The following ASXL2 variants were observed in gnomAD, a reference collection of about 807,000 sequenced individuals.
ASXL2 encodes putative Polycomb group protein ASXL2.
In ASXL2, 23 loss-of-function variants were observed where a neutral mutation model predicts 122.0. The observed-to-expected ratio is 0.19, with a 90% CI of 0.14 to 0.27. The LOEUF is 0.27. Among genes scored for constraint, ASXL2 ranks in the 10% least tolerant of loss-of-function variants. ASXL2 has a pLI of 1.00. For missense variants in ASXL2, 1,518 were observed against 1,713.8 expected (o/e 0.89, Z 2.02); for synonymous variants, 650 against 637.0 (o/e 1.02, Z -0.31).
chr2:25,781,985 T>TTTTG (rs2088649031), intron 5 of ASXL2, among the ~76,000 whole-genome samples: 1 of 127,706 alleles, frequency 7.8e-6, no homozygotes, highest in Non-Finnish European at 1.7e-5. Context: ...TTTTTTTTTT[T>TTTTG]GTAGAGACAG....
intron 3 of ASXL2, among the ~76,000 whole-genome samples, chr2:25,809,576 A>T (rs541922231): frequency 1.3e-5 from 2 of 152,348 alleles, no homozygotes; most frequent in Non-Finnish European, 2.9e-5. Context: ...GTGAAAAAGG[A>T]ATAGATTGCT....
intron 5 of ASXL2, among the ~76,000 whole-genome samples, chr2:25,797,271 C>A (rs990854763): frequency 5.2e-4 from 79 of 152,098 alleles, no homozygotes; most frequent in African/African-American, 1.9e-3. Flanking sequence ...ATGGTGAAAC[C>A]CCACCTCTAC....
chr2:25,844,219 G>C (rs555835189), intron 2 of ASXL2, among the ~76,000 whole-genome samples: 4 of 152,222 alleles, frequency 2.6e-5, no homozygotes, highest in Admixed American at 6.5e-5. Flanking sequence ...CCAAATTTCT[G>C]TCTTAATATA....
intron 5 of ASXL2, among the ~76,000 whole-genome samples, chr2:25,784,831 C>T (rs1474496225): frequency 6.6e-6 from 1 of 152,228 alleles, no homozygotes; most frequent in Non-Finnish European, 1.5e-5. Flanking sequence ...TCTACAACAG[C>T]TCTGTTTCCC....
At chr2:25,837,583 G>A in intron 2 of ASXL2, among the ~76,000 whole-genome samples, 1 of 152,112 alleles carries the variant, frequency 6.6e-6, no homozygotes. Context: ...CAGGTACTGT[G>A]GCTCACATCT....
intron 12 of ASXL2, among the ~76,000 whole-genome samples, chr2:25,748,121 T>G (rs191101506): frequency 6.6e-6 from 1 of 152,070 alleles, no homozygotes; most frequent in African/African-American, 2.4e-5. Flanking sequence ...GAGGCTGCAG[T>G]GAGCCAAGAT....
chr2:25,806,296 G>A lies in ASXL2; in HGVS notation c.185C>T (p.Thr62Ile). 1 of 1,613,404 alleles carries A rather than the reference G, an allele frequency of 6.2e-7. No individual in the cohort carries two copies. The highest frequency in any genetic ancestry group is 8.5e-7 in the Non-Finnish European group (1 of 1,179,628). The stretch of plus-strand genomic sequence containing the variant: ...GATGCCCTCTTCACCTCTGGAGTTT[G>A]TGTGAAGCATTGCATTCAGGCATGC... ...PLACLNAMLH[T>I]NSRGEEGIFY... Residue 62 changes from threonine to isoleucine, a missense_variant, in exon 4 of 13, where the codon ACA becomes ATA. Thr to Ile is a moderately conservative substitution (Grantham distance 89). Transcript: ENST00000435504.
intron 1 of ASXL2, among the ~76,000 whole-genome samples, chr2:25,847,581 T>A (rs2089663262): frequency 6.6e-6 from 1 of 152,252 alleles, no homozygotes; most frequent in Admixed American, 6.5e-5. Flanking sequence ...TTAAACTTAC[T>A]GCCTTCATCC....
At chr2:25,873,789 T>C (rs1186970393) in intron 1 of ASXL2, among the ~76,000 whole-genome samples, 3 of 151,980 alleles carry the variant, frequency 2.0e-5, no homozygotes, top group Admixed American at 1.3e-4. Context: ...AAACACCCAA[T>C]GTCCCTTAAG....
chr2:25,768,011 A>C (rs1390848393), intron 7 of ASXL2, among the ~76,000 whole-genome samples: 2 of 152,230 alleles, frequency 1.3e-5, no homozygotes, highest in African/African-American at 4.8e-5. Flanking sequence ...ATGGTATCAA[A>C]CTGAATTATG....
intron 1 of ASXL2, among the ~76,000 whole-genome samples, chr2:25,876,091 C>G (rs1437373397): frequency 1.3e-5 from 2 of 151,986 alleles, no homozygotes; most frequent in Non-Finnish European, 1.5e-5. Context: ...ACTAGAAAAA[C>G]TTTAGTGTCA....
At chr2:25,830,188 G>A (rs1048633565) in intron 3 of ASXL2, among the ~76,000 whole-genome samples, 6 of 152,218 alleles carry the variant, frequency 3.9e-5, no homozygotes, top group African/African-American at 1.4e-4. Context: ...GTAAACCTAA[G>A]TAAGCACAGT....
intron 7 of ASXL2, 130 bp from the exon 8 acceptor site, chr2:25,767,856 G>C (rs953597009): frequency 2.7e-5 from 28 of 1,047,460 alleles, no homozygotes; most frequent in Non-Finnish European, 3.5e-5. Context: ...TGTGTTTTGA[G>C]TTTGAAAATT....
intron 12 of ASXL2, among the ~76,000 whole-genome samples, chr2:25,746,752 A>C (rs1402621487): frequency 6.6e-6 from 1 of 152,224 alleles, no homozygotes; most frequent in African/African-American, 2.4e-5. Context: ...TACTTACGTA[A>C]ATAGCCCTAT....
Position 25,757,674 on chromosome 2 carries a change from C to CAAAAAAAAA in ASXL2, c.940-1569_940-1561dup, listed in dbSNP as rs60732948. Among the ~76,000 whole-genome samples, 125 of 35,842 alleles carry CAAAAAAAAA rather than the reference C, an allele frequency of 3.5e-3. 5 individuals are homozygous for CAAAAAAAAA. Among genetic ancestry groups the CAAAAAAAAA allele is most frequent in the Non-Finnish European group, 4.4e-3 (97 of 21,902 alleles). 23.5% of individuals were successfully genotyped at this position (35,842 alleles called of 152,430 possible). On this transcript the variant is annotated intron_variant, in intron 9 of 12. Transcript: ENST00000435504. ...CAGGCGACAGAGGGAGACTCCATCT[C>CAAAAAAAAA]AAAAAAAAAAAAAAAAAAAAAAAAA...
chr2:25,763,264 G>A, intron 8 of ASXL2, among the ~76,000 whole-genome samples: 1 of 152,084 alleles, frequency 6.6e-6, no homozygotes, highest in East Asian at 1.9e-4. Flanking sequence ...GCTGAGGCGG[G>A]CGGTATCACG....
Position 25,743,927 on chromosome 2 carries a change from C to G in ASXL2, c.2410G>C (p.Glu804Gln), listed in dbSNP as rs760941065. 8 of 1,613,970 alleles carry G rather than the reference C, an allele frequency of 5.0e-6. No individual in the cohort carries two copies. The South Asian group carries it at 8.8e-5, about 18-fold the overall frequency. The change falls in exon 13 of 13, where the codon GAA becomes CAA. Residue 804 changes from glutamate (E) to glutamine (Q), a missense_variant. Glu to Gln is a conservative substitution (Grantham distance 29). Coordinates refer to ENST00000435504, the MANE Select transcript of ASXL2 (RefSeq NM_018263.6). ...SPAHIEKLDN[E>Q]KLNPTRATAT... ...GTTGCTCTGGTGGGGTTCAGTTTTT[C>G]ATTATCCAATTTCTCTATGTGGGCT...
chr2:25,801,648 G>A (rs6546506), intron 4 of ASXL2, among the ~76,000 whole-genome samples: 58,494 of 151,866 alleles, frequency 0.39, 13,013 homozygotes, highest in Non-Finnish European at 0.51. Flanking sequence ...TATGTGATCC[G>A]TACAGGATCA....
chr2:25,777,457 T>C (rs2088563966), intron 5 of ASXL2, among the ~76,000 whole-genome samples: 2 of 151,886 alleles, frequency 1.3e-5, no homozygotes, highest in Admixed American at 1.3e-4. Flanking sequence ...CTAGGCAACA[T>C]AATGAAACCC....
Sources: gnomAD v4.1 joint callset for allele counts (sites outside exome capture counted in the v4.1 genomes callset) on GRCh38, gnomAD v4.1.1 for gene constraint, MANE v1.5 for transcripts, NCBI Gene and HGNC (gene_info 2026-07-23, HGNC 2026-07-21) for gene names.